MMUT: variants seen among roughly 807,000 people sequenced by gnomAD.
MMUT encodes methylmalonyl-CoA mutase.
MMUT carries 79 observed loss-of-function variants against 79.9 expected under a neutral mutation model. The observed-to-expected ratio is 0.99, with a 90% CI of 0.82 to 1.19. MMUT has a LOEUF of 1.19. Ranked by LOEUF, MMUT falls within the 50% of genes most tolerant of loss-of-function variation. The pLI, the probability that MMUT is intolerant of heterozygous loss-of-function variation, is 0.00. For missense variants in MMUT, 860 were observed against 917.2 expected, an observed-to-expected ratio of 0.94 and a Z score of 0.81; for synonymous variants, 273 against 295.7, an observed-to-expected ratio of 0.92 and a Z score of 0.79.
intron 12 of MMUT, among the ~76,000 whole-genome samples, chr6:49,432,388 GTTTA>G (rs1187586366): frequency 4.0e-5 from 6 of 150,282 alleles, no homozygotes; most frequent in Non-Finnish European, 8.9e-5. Context: ...TATTTGTTTT[GTTTA>G]TTTATTTATT....
chr6:49,431,759 T>C lies in MMUT; in HGVS notation c.2222A>G (p.Lys741Arg), dbSNP rs1392788705. 6.2e-7 allele frequency: 1 copy of C among 1,613,930 alleles called. No individual in the cohort carries two copies. Among genetic ancestry groups the C allele is most frequent in the Non-Finnish European group, 8.5e-7 (1 of 1,179,894 alleles). The part of the protein sequence containing the change: ...AAVQVLDDIE[K>R]CLEKKQQSV ...AGATTGCTGCTTCTTTTCCAAACAC[T>C]TCTCAATATCATCAAGCACCTGAAC... The change falls in exon 13 of 13, where the codon AAG (lysine) becomes AGG (arginine). Residue 741 changes from lysine to arginine, a missense_variant. Physicochemically the swap from Lys to Arg is conservative, Grantham distance 26 (BLOSUM62 2). Coordinates refer to ENST00000274813, the MANE Select transcript of MMUT (RefSeq NM_000255.4).
chr6:49,431,816 A>G lies in MMUT; in HGVS notation c.2165T>C (p.Phe722Ser). The G allele has an allele frequency of 6.2e-7, 1 of 1,613,926 alleles. No individual in the cohort carries two copies. The highest frequency in any genetic ancestry group is 8.5e-7 in the Non-Finnish European group (1 of 1,179,792). The change falls in exon 13 of 13, where the codon TTT becomes TCT. Residue 722 changes from phenylalanine (F) to serine (S), a missense_variant. Phe to Ser is a radical substitution (Grantham distance 155). Coordinates refer to ENST00000274813, the MANE Select transcript of MMUT (RefSeq NM_000255.4). ...FLFEVGVSNV[F>S]GPGTRIPKAA... ...CTTTGGAATTCGAGTCCCAGGACCAAATACATTGGAAACACCAACTTCAAA... is the reference window on the plus strand; with the variant it reads ...CTTTGGAATTCGAGTCCCAGGACCAGATACATTGGAAACACCAACTTCAAA...
intron 5 of MMUT, among the ~76,000 whole-genome samples, chr6:49,452,005 T>C (rs957769103): frequency 1.3e-5 from 2 of 152,222 alleles, no homozygotes; most frequent in Admixed American, 6.5e-5. Flanking sequence ...GCATTCTTTT[T>C]CTACTTAAGA....
intron 11 of MMUT, among the ~76,000 whole-genome samples, chr6:49,437,274 G>A (rs183727640): frequency 2.0e-5 from 3 of 151,834 alleles, no homozygotes; most frequent in African/African-American, 7.2e-5. Flanking sequence ...CTAATTTTTA[G>A]TGTTTGCTGA....
At chr6:49,436,743 AC>A (rs1767141976) in intron 11 of MMUT, among the ~76,000 whole-genome samples, 1 of 152,232 alleles carries the variant, frequency 6.6e-6, no homozygotes, top group African/African-American at 2.4e-5. Context: ...ACTAAAGAAT[AC>A]TATGCAGCCA....
In MMUT at chr6:49,459,262, T is replaced by C. The variant is rs115923556; in HGVS notation, c.205A>G (p.Ile69Val). Reference sequence around the variant, plus strand: ...TCTCTCTTGGAATACAAGGGTTTTATAGAGATCCCTTCCGGGGTGTGCCAT... The same window carrying C: ...TCTCTCTTGGAATACAAGGGTTTTACAGAGATCCCTTCCGGGGTGTGCCAT... ...LIWHTPEGIS[I>V]KPLYSKRDTM... is the part of the protein sequence containing the mutation. The change falls in exon 2 of 13, where the codon ATA becomes GTA. Residue 69 changes from isoleucine (I) to valine (V), a missense_variant. Ile to Val is a conservative substitution (Grantham distance 29). Transcript: ENST00000274813. 2.6e-3 allele frequency: 4,204 copies of C among 1,614,184 alleles called. 15 individuals carry two copies. The highest frequency in any genetic ancestry group is 3.1e-3 in the Non-Finnish European group (3,704 of 1,180,026).
rs536065770 is a variant in MMUT, at chr6:49,457,640, T to C, written c.753+51A>G. ...ATTCAGTTATAGCATGTTGTAAAAA[T>C]TCCTACATTCAAGGAACTATAGAAA... is the stretch of plus-strand genomic sequence containing the variant. On this transcript the variant is annotated intron_variant, in intron 3 of 12. Transcript: ENST00000274813. The C allele has an allele frequency of 5.4e-6, 8 of 1,493,246 alleles. No homozygotes were observed. The East Asian group carries it at 1.8e-4, about 34-fold the overall frequency. 92.5% of individuals were successfully genotyped at this position (1,493,246 alleles called of 1,614,324 possible). A position where few individuals can be genotyped will look rare whatever the true frequency, so the allele number is the denominator to read the frequency against.
chr6:49,451,325 G>A (rs532603154), intron 6 of MMUT, 141 bp downstream of exon 6: 60 of 988,202 alleles, frequency 6.1e-5, no homozygotes, highest in South Asian at 2.5e-4. Flanking sequence ...TGCAAACATC[G>A]TTTAAATTAT....
intron 5 of MMUT, among the ~76,000 whole-genome samples, 200 bp from the exon 6 acceptor site, chr6:49,451,914 C>G (rs1277809704): frequency 2.0e-5 from 3 of 152,184 alleles, no homozygotes; most frequent in Non-Finnish European, 4.4e-5. Context: ...TTTAGTGCCT[C>G]TTATAATCCT....
At chr6:49,433,068 A>G (rs1180721390) in intron 12 of MMUT, among the ~76,000 whole-genome samples, 1 of 152,230 alleles carries the variant, frequency 6.6e-6, no homozygotes, top group Non-Finnish European at 1.5e-5. Flanking sequence ...AGTCTGTGAA[A>G]TTCTGAGAGT....
chr6:49,460,148 G>A (rs1767803748), intron 1 of MMUT, among the ~76,000 whole-genome samples: 1 of 152,114 alleles, frequency 6.6e-6, no homozygotes, highest in South Asian at 2.1e-4. Flanking sequence ...TTCTTCTCTG[G>A]CTAATTCAGC....
chr6:49,454,539 C>T (rs910752691), intron 4 of MMUT, among the ~76,000 whole-genome samples: 2 of 152,196 alleles, frequency 1.3e-5, no homozygotes, highest in African/African-American at 2.4e-5. Context: ...AATTCCTGGC[C>T]TCATGTGATC....
chr6:49,450,552 A>G (rs1162960723), intron 6 of MMUT, among the ~76,000 whole-genome samples: 1 of 152,210 alleles, frequency 6.6e-6, no homozygotes, highest in Non-Finnish European at 1.5e-5. Context: ...ATTTCTGATC[A>G]GAAATATTGA....
intron 11 of MMUT, among the ~76,000 whole-genome samples, chr6:49,438,109 C>CCTT (rs10630177): frequency 0.36 from 54,674 of 151,540 alleles, 10,036 homozygotes; most frequent in African/African-American, 0.41. Flanking sequence ...ATTGTAACCT[C>CCTT]GAGGACAAAA....
Position 49,459,502 on chromosome 6 carries a change from T to A in MMUT, c.-36A>T. The A allele has an allele frequency of 6.2e-7, 1 of 1,600,366 alleles. No individual in the cohort carries two copies. The highest frequency in any genetic ancestry group is 1.7e-5 in the Admixed American group (1 of 59,388). On this transcript the variant is annotated 5_prime_UTR_variant, in exon 2 of 13. Transcript: ENST00000274813. ...GGAAACACCCAATAGAAATAAGAAC[T>A]GACCTAGAAAAAGAAACATAGAGTA...
chr6:49,458,209 TTAAA>T (rs1213598168), intron 2 of MMUT, 151 bp from the exon 3 acceptor site: 10 of 777,018 alleles, frequency 1.3e-5, no homozygotes, highest in Non-Finnish European at 2.0e-5. Flanking sequence ...CAAAACCAAC[TTAAA>T]TAAAGATACT....
chr6:49,443,784 C>CTTG, intron 9 of MMUT: 1 of 438,246 alleles, frequency 2.3e-6, no homozygotes, highest in Non-Finnish European at 4.6e-6. Context: ...AAAACTTTAC[C>CTTG]TTGCCAAATA....
chr6:49,459,549 G>T, intron 1 of MMUT, 44 bp from the exon 2 acceptor site: 2 of 1,431,564 alleles, frequency 1.4e-6, no homozygotes, highest in Non-Finnish European at 1.9e-6. Context: ...AAGAGGGGGT[G>T]GGAAATAGGA....
intron 7 of MMUT, 25 bp downstream of exon 7, chr6:49,448,791 T>C (rs370995927): frequency 4.0e-6 from 6 of 1,517,412 alleles, no homozygotes; most frequent in African/African-American, 2.7e-5. Context: ...CTGGATTTCA[T>C]ATATGAACTT....
Sources: allele counts gnomAD v4.1 joint callset (sites outside exome capture counted in the v4.1 genomes callset), GRCh38; gene constraint gnomAD v4.1.1; transcripts MANE v1.5; gene names NCBI Gene and HGNC (gene_info 2026-07-23, HGNC 2026-07-21).